Variants in EZH2 observed in about 807,000 individuals in gnomAD.
EZH2 encodes the protein enhancer of zeste 2 polycomb repressive complex 2 subunit.
Under a neutral mutation model 98.4 loss-of-function variants are expected in EZH2, and 18 were observed. That is an observed-to-expected ratio of 0.18 (90% CI 0.13 to 0.27). The LOEUF (loss-of-function observed/expected upper bound fraction) is 0.27. Among genes scored for constraint, EZH2 ranks in the 10% least tolerant of loss-of-function variants. EZH2 has a pLI of 1.00. For missense variants in EZH2, 470 were observed against 935.1 expected (o/e 0.50, Z 6.49); for synonymous variants, 338 against 312.3 (o/e 1.08, Z -0.87).
Position 148,884,192 on chromosome 7 carries a change from T to TCCCGCGCGTCGCC in EZH2, c.-49_-37dup, listed in dbSNP as rs1000303322. On this transcript the variant is annotated 5_prime_UTR_variant, in exon 1 of 20. Coordinates refer to ENST00000320356, the MANE Select transcript of EZH2 (RefSeq NM_004456.5). ...CGTCCCGCGCGCCGACTCGCGTTGTTCCCGCGCGTCGCCCCCGCGCGCCGC... is the reference window on the plus strand; with the variant it reads ...CGTCCCGCGCGCCGACTCGCGTTGTTCCCGCGCGTCGCCCCCGCGCGTCGCCCCCGCGCGCCGC... The TCCCGCGCGTCGCC allele has an allele frequency of 4.2e-5, 7 of 165,920 alleles. No individual in the cohort carries two copies. Among genetic ancestry groups the TCCCGCGCGTCGCC allele is most frequent in the African/African-American group, 1.2e-4 (5 of 41,224 alleles). 10.3% of individuals were successfully genotyped at this position (165,920 alleles called of 1,614,324 possible). A position where few individuals can be genotyped will look rare whatever the true frequency, so the allele number is the denominator to read the frequency against.
intron 1 of EZH2, among the ~76,000 whole-genome samples, chr7:148,882,681 T>C (rs549326750): frequency 2.0e-5 from 3 of 152,314 alleles, no homozygotes; most frequent in Admixed American, 6.5e-5. Flanking sequence ...TGTGACAGCA[T>C]TCGTGTTTTT....
chr7:148,814,324 G>C (rs1020771875), intron 14 of EZH2, among the ~76,000 whole-genome samples, 187 bp from the exon 15 acceptor site: 2 of 152,060 alleles, frequency 1.3e-5, no homozygotes, highest in Non-Finnish European at 2.9e-5. Context: ...CACTGAAAAA[G>C]ACCACCACTG....
intron 1 of EZH2, among the ~76,000 whole-genome samples, chr7:148,872,388 C>T (rs1377777376): frequency 6.6e-6 from 1 of 151,980 alleles, no homozygotes; most frequent in Non-Finnish European, 1.5e-5. Context: ...TTCTGCAAGA[C>T]AAAAAAGTTC....
At chr7:148,810,982 CAATTT>C (rs1456518264) in intron 16 of EZH2, among the ~76,000 whole-genome samples, 1 of 150,722 alleles carries the variant, frequency 6.6e-6, no homozygotes, top group Non-Finnish European at 1.5e-5. Flanking sequence ...ACACTGTCGA[CAATTT>C]AAAAGGTGAA....
chr7:148,863,665 G>GT (rs1440775735), intron 1 of EZH2, among the ~76,000 whole-genome samples: 1 of 151,912 alleles, frequency 6.6e-6, no homozygotes, highest in Non-Finnish European at 1.5e-5. Flanking sequence ...TGACTCTATT[G>GT]TTTTTTCAAA....
intron 15 of EZH2, among the ~76,000 whole-genome samples, chr7:148,812,329 G>C (rs935091335): frequency 6.6e-6 from 1 of 152,182 alleles, no homozygotes; most frequent in Non-Finnish European, 1.5e-5. Flanking sequence ...ATTTTCAGCA[G>C]AAATGCCAAG....
intron 6 of EZH2, 87 bp downstream of exon 6, chr7:148,828,650 AAAG>A (rs1367794423): frequency 1.4e-6 from 2 of 1,444,302 alleles, no homozygotes; most frequent in Non-Finnish European, 1.9e-6. Flanking sequence ...AGAAAAAGAG[AAAG>A]AAGAAACTAA....
intron 1 of EZH2, among the ~76,000 whole-genome samples, chr7:148,869,382 G>A (rs373740853): frequency 3.4e-5 from 4 of 116,146 alleles, no homozygotes; most frequent in Admixed American, 2.6e-4. Context: ...GTCTCACTCT[G>A]TCACACAGGC....
intron 2 of EZH2, among the ~76,000 whole-genome samples, chr7:148,846,884 A>AT (rs1161068583): frequency 2.2e-5 from 2 of 92,376 alleles, no homozygotes; most frequent in South Asian, 3.5e-4. Context: ...GTGTGTGTGT[A>AT]TTTTTTTTTT....
chr7:148,824,175 C>T (rs1217206679), intron 8 of EZH2, among the ~76,000 whole-genome samples: 2 of 152,008 alleles, frequency 1.3e-5, no homozygotes, highest in Non-Finnish European at 2.9e-5. Context: ...ATTAGCTGGA[C>T]GTGGTGGCGG....
At chr7:148,849,728 A>T (rs983074052) in intron 1 of EZH2, among the ~76,000 whole-genome samples, 2 of 152,198 alleles carry the variant, frequency 1.3e-5, no homozygotes, top group African/African-American at 4.8e-5. Flanking sequence ...ATTATTTTTT[A>T]AATAATTTCA....
At chr7:148,847,964 T>C (rs1233774047) in intron 1 of EZH2, among the ~76,000 whole-genome samples, 23 of 152,210 alleles carry the variant, frequency 1.5e-4, no homozygotes, top group Admixed American at 1.5e-3. Flanking sequence ...TGCCTTATCT[T>C]TAGTTGCAGG....
Position 148,816,713 on chromosome 7 carries a change from A to T in EZH2, c.1476T>A (p.Thr492=). ...GTTTCCTCTTCTTTTTCCTTGGAGG[A>T]GTATCCACATCCTCAGCGGGAGCTG... The part of the protein sequence containing the change: ...IAPAPAEDVD[T]PPRKKKRKHR... Residue 492 remains threonine, a synonymous_variant, in exon 12 of 20, where the codon ACT becomes ACA. Transcript: ENST00000320356. 6.2e-7 allele frequency: 1 copy of T among 1,614,066 alleles called. No homozygotes were observed. The highest frequency in any genetic ancestry group is 8.5e-7 in the Non-Finnish European group (1 of 1,179,962).
intron 1 of EZH2, among the ~76,000 whole-genome samples, chr7:148,848,512 G>A (rs539668469): frequency 6.6e-6 from 1 of 152,246 alleles, no homozygotes; most frequent in African/African-American, 2.4e-5. Flanking sequence ...AGAGAAAACT[G>A]CCTAAGAAGA....
At chr7:148,814,446 A>G (rs1213598940) in intron 14 of EZH2, among the ~76,000 whole-genome samples, 1 of 152,182 alleles carries the variant, frequency 6.6e-6, no homozygotes, top group Admixed American at 6.5e-5. Flanking sequence ...AATAGCCCCT[A>G]GTTCTAAACA....
chr7:148,812,492 C>A (rs1467072764), intron 15 of EZH2, among the ~76,000 whole-genome samples: 1 of 152,200 alleles, frequency 6.6e-6, no homozygotes, highest in African/African-American at 2.4e-5. Flanking sequence ...TCTTACCACT[C>A]ACCTGTCATG....
At chr7:148,845,164 T>A (rs1813669826) in intron 3 of EZH2, among the ~76,000 whole-genome samples, 1 of 152,224 alleles carries the variant, frequency 6.6e-6, no homozygotes. Flanking sequence ...TCCAAATTTC[T>A]AAGATTTATT....
intron 1 of EZH2, among the ~76,000 whole-genome samples, chr7:148,859,076 T>G (rs1196506175): frequency 6.6e-6 from 1 of 152,346 alleles, no homozygotes; most frequent in East Asian, 1.9e-4. Flanking sequence ...AGGGTTAATA[T>G]GCATTCATTA....
chr7:148,839,275 T>C (rs531215997), intron 3 of EZH2, among the ~76,000 whole-genome samples: 9 of 152,226 alleles, frequency 5.9e-5, no homozygotes, highest in South Asian at 2.1e-4. Context: ...ACTCAGTAAA[T>C]AGTGTTGAAA....
Sources: gnomAD v4.1 joint callset for allele counts (sites outside exome capture counted in the v4.1 genomes callset) on GRCh38, gnomAD v4.1.1 for gene constraint, MANE v1.5 for transcripts, NCBI Gene and HGNC (gene_info 2026-07-23, HGNC 2026-07-21) for gene names.